The following CSTPP1 variants were observed in gnomAD, a reference collection of about 807,000 sequenced individuals.
The protein encoded by CSTPP1 is UPF0705 protein C11orf49.
At chr11:47,083,862 A>G in the CSTPP1 span, among the ~76,000 whole-genome samples, 4 of 152,142 alleles carry the variant, frequency 2.6e-5, no homozygotes, top group Non-Finnish European at 1.5e-5. Context: ...GTTAATGTAC[A>G]CTTGGGTTAT....
chr11:46,953,926 G>C, the CSTPP1 span, among the ~76,000 whole-genome samples: 1 of 152,160 alleles, frequency 6.6e-6, no homozygotes, highest in African/African-American at 2.4e-5. Context: ...TTTGTCTGAA[G>C]TAAGAATCAA....
chr11:47,071,351 T>G, the CSTPP1 span, among the ~76,000 whole-genome samples: 1 of 152,184 alleles, frequency 6.6e-6, no homozygotes, highest in Non-Finnish European at 1.5e-5. Context: ...TGTGTGACCA[T>G]GGTCAGGTTA....
chr11:47,102,537 A>G, the CSTPP1 span, among the ~76,000 whole-genome samples: 3 of 152,298 alleles, frequency 2.0e-5, no homozygotes, highest in African/African-American at 7.2e-5. Flanking sequence ...AAAAATATAT[A>G]GATAGATAAT....
the CSTPP1 span, among the ~76,000 whole-genome samples, chr11:47,038,037 C>G: frequency 8.4e-6 from 1 of 118,468 alleles, no homozygotes; most frequent in Non-Finnish European, 2.1e-5. Flanking sequence ...TCCTCACTTC[C>G]CAGTAGGGGC....
At chr11:46,983,212 T>C in the CSTPP1 span, among the ~76,000 whole-genome samples, 14 of 152,178 alleles carry the variant, frequency 9.2e-5, no homozygotes, top group African/African-American at 3.4e-4. Context: ...GGATTGACAG[T>C]GTTATAAAGA....
the CSTPP1 span, among the ~76,000 whole-genome samples, chr11:47,129,391 T>A: frequency 6.6e-6 from 1 of 152,218 alleles, no homozygotes; most frequent in Non-Finnish European, 1.5e-5. Flanking sequence ...GGTAGGAAAC[T>A]GTGTCCATGC....
At chr11:47,106,626 G>C in the CSTPP1 span, among the ~76,000 whole-genome samples, 1 of 150,168 alleles carries the variant, frequency 6.7e-6, no homozygotes, top group Non-Finnish European at 1.5e-5. Context: ...CTGGGTGATA[G>C]AGCAAGACCC....
chr11:46,944,508 A>G, the CSTPP1 span, among the ~76,000 whole-genome samples: 2 of 151,986 alleles, frequency 1.3e-5, no homozygotes, highest in African/African-American at 4.8e-5. Context: ...GGGGAGGGTA[A>G]TTGACTCCTG....
the CSTPP1 span, among the ~76,000 whole-genome samples, chr11:47,032,580 T>G: frequency 6.6e-6 from 1 of 152,222 alleles, no homozygotes; most frequent in Non-Finnish European, 1.5e-5. Flanking sequence ...TAAAAAATTT[T>G]TTTAACTTTC....
the CSTPP1 span, among the ~76,000 whole-genome samples, chr11:47,109,657 C>T: frequency 6.6e-6 from 1 of 152,184 alleles, no homozygotes; most frequent in Non-Finnish European, 1.5e-5. Flanking sequence ...TTTGCATGGA[C>T]TCCTTTGCCA....
At chr11:47,044,574 T>A in the CSTPP1 span, among the ~76,000 whole-genome samples, 1 of 152,056 alleles carries the variant, frequency 6.6e-6, no homozygotes, top group Non-Finnish European at 1.5e-5. Flanking sequence ...AGCTACAATG[T>A]ATATCTAATA....
chr11:47,155,157 TTC>T, the CSTPP1 span: 12 of 1,541,526 alleles, frequency 7.8e-6, no homozygotes, highest in South Asian at 2.2e-5. Context: ...CTCTCTCAGA[TTC>T]TCTCTTTCCC....
At chr11:46,995,603 A>G in the CSTPP1 span, among the ~76,000 whole-genome samples, 1 of 152,158 alleles carries the variant, frequency 6.6e-6, no homozygotes, top group South Asian at 2.1e-4. Flanking sequence ...GAGTTTCTTC[A>G]TGCTGAGTTC....
the CSTPP1 span, among the ~76,000 whole-genome samples, chr11:47,005,546 G>A: frequency 6.6e-6 from 1 of 152,148 alleles, no homozygotes; most frequent in Non-Finnish European, 1.5e-5. Flanking sequence ...AATTAGTTGA[G>A]TCTTATAGAG....
chr11:47,152,529 G>A, the CSTPP1 span, among the ~76,000 whole-genome samples: 1 of 150,364 alleles, frequency 6.7e-6, no homozygotes. Flanking sequence ...GAGGCTGCGA[G>A]GCAGGGGTAG....
chr11:47,057,459 A>G, the CSTPP1 span, among the ~76,000 whole-genome samples: 1 of 152,208 alleles, frequency 6.6e-6, no homozygotes, highest in Non-Finnish European at 1.5e-5. Context: ...CTATCTGTGA[A>G]GAAGTATCTA....
At chr11:46,961,517 A>G in the CSTPP1 span, among the ~76,000 whole-genome samples, 2 of 152,098 alleles carry the variant, frequency 1.3e-5, no homozygotes, top group Non-Finnish European at 2.9e-5. Flanking sequence ...ATTTTCTCCC[A>G]TCTTGTGGGT....
chr11:46,989,130 T>C, the CSTPP1 span, among the ~76,000 whole-genome samples: 1 of 151,442 alleles, frequency 6.6e-6, no homozygotes, highest in Non-Finnish European at 1.5e-5. Flanking sequence ...CTAGGGAGGC[T>C]GAGGCAGGAG....
At chr11:47,142,174 C>T in the CSTPP1 span, among the ~76,000 whole-genome samples, 3 of 147,540 alleles carry the variant, frequency 2.0e-5, no homozygotes, top group Non-Finnish European at 3.0e-5. Flanking sequence ...ACCCAGGAGG[C>T]AGAGGTTGCA....
Sources: allele counts gnomAD v4.1 joint callset (sites outside exome capture counted in the v4.1 genomes callset), GRCh38; gene constraint gnomAD v4.1.1; transcripts MANE v1.5; gene names NCBI Gene and HGNC (gene_info 2026-07-23, HGNC 2026-07-21).